MED16: variants seen among roughly 807,000 people sequenced by gnomAD.
The protein encoded by MED16 is mediator complex subunit 16, also known as mediator of RNA polymerase II transcription subunit 16.
In MED16, 81 loss-of-function variants were observed where a neutral mutation model predicts 84.4. The observed-to-expected ratio is 0.96, with a 90% CI of 0.80 to 1.15. The LOEUF is 1.15. MED16 is among the 50% of genes most tolerant of loss of function. MED16 has a pLI of 0.00. For synonymous variants in MED16, 897 were observed against 552.2 expected (o/e 1.62, Z -8.76); for missense variants, 1,585 against 1,245.9 (o/e 1.27, Z -4.10).
At chr19:875,954 T>C (rs1432200861) in intron 9 of MED16, among the ~76,000 whole-genome samples, 3 of 152,144 alleles carry the variant, frequency 2.0e-5, no homozygotes, top group East Asian at 3.9e-4. Flanking sequence ...CTACAAAAAA[T>C]AGAAACAACT....
chr19:869,179 G>A (rs1240457360), intron 13 of MED16, among the ~76,000 whole-genome samples: 1 of 152,146 alleles, frequency 6.6e-6, no homozygotes, highest in Non-Finnish European at 1.5e-5. Flanking sequence ...AGGTGCCTGG[G>A]GAGCTTGAGG....
Position 868,966 on chromosome 19 carries a change from C to A in MED16, c.2316-20G>T, listed in dbSNP as rs1256930996. ...GGGGCCCTGGCGGGAGAGGGGAGAA[C>A]GTGAGGGAGGCCTGGGCACCACGAG... is the stretch of plus-strand genomic sequence containing the variant. On this transcript the variant is annotated intron_variant, in intron 13 of 15. Transcript: ENST00000325464. 2 of 1,526,568 alleles carry A rather than the reference C, an allele frequency of 1.3e-6. No individual in the cohort carries two copies. The highest frequency in any genetic ancestry group is 1.7e-6 in the Non-Finnish European group (2 of 1,144,014). 94.6% of individuals were successfully genotyped at this position (1,526,568 alleles called of 1,614,324 possible). A position where few individuals can be genotyped will look rare whatever the true frequency, so the allele number is the denominator to read the frequency against.
chr19:870,100 C>A (rs1244965682), intron 13 of MED16, among the ~76,000 whole-genome samples: 2 of 152,244 alleles, frequency 1.3e-5, no homozygotes, highest in East Asian at 3.9e-4. Context: ...CCCGGGAGAT[C>A]CTCCTGATGA....
chr19:891,663 T>C (rs1247547294), intron 1 of MED16, among the ~76,000 whole-genome samples: 2 of 88,860 alleles, frequency 2.3e-5, no homozygotes, highest in African/African-American at 4.6e-5. Flanking sequence ...AGGCGGGGGC[T>C]GAGTGTGACG....
At chr19:872,320 G>A (rs1436273345) in intron 11 of MED16, among the ~76,000 whole-genome samples, 2 of 151,990 alleles carry the variant, frequency 1.3e-5, no homozygotes, top group African/African-American at 4.8e-5. Context: ...GCCCAGGACA[G>A]CCCCATTTGC....
At chr19:878,057 G>C (rs58690545) in intron 8 of MED16, among the ~76,000 whole-genome samples, 2 of 60,210 alleles carry the variant, frequency 3.3e-5, no homozygotes, top group African/African-American at 6.7e-5. Flanking sequence ...CCAGCAGCTC[G>C]CCTTCCCCTG....
intron 1 of MED16, chr19:892,881 A>AGCCCCGCGCCCAGC (rs1555719505): frequency 1.5e-5 from 2 of 137,866 alleles, no homozygotes; most frequent in African/African-American, 5.5e-5. Flanking sequence ...CTGAGCCCCG[A>AGCCCCGCGCCCAGC]GCCCCGCGCC....
chr19:891,303 C>T lies in MED16; in HGVS notation c.-18-154G>A, dbSNP rs528497711. On this transcript the variant is annotated intron_variant, in intron 1 of 15. Transcript: ENST00000325464. ...GCCAGACAGAGCCTGGGGCTGGGGC[C>T]GAGGGGGAACATGGAGAGGTCAGGG... is the stretch of plus-strand genomic sequence containing the variant. Among the ~76,000 whole-genome samples, 8 of 152,094 alleles carry T rather than the reference C, an allele frequency of 5.3e-5. No individual in the cohort carries two copies. In the South Asian group the frequency reaches 6.2e-4, roughly 12 times the overall value.
chr19:889,857 C>A, intron 3 of MED16, 50 bp from the exon 4 acceptor site: 1 of 1,558,456 alleles, frequency 6.4e-7, no homozygotes, highest in Non-Finnish European at 8.7e-7. Context: ...GGGCAGAGCA[C>A]TGCGTTGCAG....
At chr19:872,508 G>A (rs2036103740) in intron 11 of MED16, among the ~76,000 whole-genome samples, 1 of 152,044 alleles carries the variant, frequency 6.6e-6, no homozygotes, top group Non-Finnish European at 1.5e-5. Context: ...GTGGCCCCTG[G>A]CAGCCTAAAG....
At chr19:887,100 C>T (rs1173210466) in intron 4 of MED16, among the ~76,000 whole-genome samples, 1 of 150,786 alleles carries the variant, frequency 6.6e-6, no homozygotes, top group Admixed American at 6.6e-5. Flanking sequence ...AAAAAAAGAA[C>T]AAGAAAAATG....
intron 9 of MED16, 93 bp downstream of exon 9, chr19:876,881 C>T (rs1234290289): frequency 2.3e-5 from 30 of 1,286,484 alleles, no homozygotes; most frequent in African/African-American, 4.9e-5. Flanking sequence ...GCCACGGGGC[C>T]CCCACCTGCC....
chr19:883,856 CCAACAAGGCCCTGGGGACCGGGCGAAG>C (rs2036471178), intron 6 of MED16, among the ~76,000 whole-genome samples: 1 of 152,082 alleles, frequency 6.6e-6, no homozygotes. Flanking sequence ...GGAATGAGGC[CCAACAAGGCCCTGGGGACCGGGCGAAG>C]GAACGAGCCC....
rs1446331940 is a variant in MED16 at position 880,076 on chromosome 19, A to G, written c.1214T>C (p.Phe405Ser). ...AGGCCTCGGGGCCGCGGAGCTGTAG[A>G]AGACGGCCATGGTCTGCAGTGAGAG... ...HRLSLQTMAV[F>S]YSSAAPRPVD... The change falls in exon 8 of 16, where the codon TTC becomes TCC. Residue 405 changes from phenylalanine (F) to serine (S), a missense_variant. Physicochemically the swap from Phe to Ser is radical, Grantham distance 155. Transcript: ENST00000325464. 9 of 1,611,050 alleles carry G rather than the reference A, an allele frequency of 5.6e-6. No homozygotes were observed. Among genetic ancestry groups the G allele is most frequent in the Non-Finnish European group, 7.6e-6 (9 of 1,179,412 alleles).
chr19:887,135 GGAAGA>G (rs1305467927), intron 4 of MED16, among the ~76,000 whole-genome samples: 2 of 151,908 alleles, frequency 1.3e-5, no homozygotes, highest in African/African-American at 4.8e-5. Flanking sequence ...AAAAATGCGA[GGAAGA>G]GAAGTGTATC....
rs376316811 is a variant in MED16, at chr19:885,013, G to A, written c.880-5C>T. On this transcript the variant is annotated splice_polypyrimidine_tract_variant and splice_region_variant and intron_variant, in intron 5 of 15. Coordinates refer to ENST00000325464, the MANE Select transcript of MED16 (RefSeq NM_005481.3). Reference sequence around the variant, plus strand: ...GCTGGACGCGCACAAAAGCACCTGCGGGGGAGGTGGGGGTGAGGGCTGACC... The same window carrying A: ...GCTGGACGCGCACAAAAGCACCTGCAGGGGAGGTGGGGGTGAGGGCTGACC... 4.4e-4 allele frequency: 695 copies of A among 1,585,780 alleles called. 6 individuals are homozygous for A. The South Asian group carries it at 6.1e-3, about 14-fold the overall frequency.
chr19:875,583 T>A, intron 9 of MED16, 129 bp from the exon 10 acceptor site: 1 of 688,248 alleles, frequency 1.5e-6, no homozygotes. Context: ...GCTTCGCCTC[T>A]GCACCTCAGC....
intron 7 of MED16, 133 bp from the exon 8 acceptor site, chr19:880,281 C>T: frequency 1.3e-6 from 1 of 746,646 alleles, no homozygotes; most frequent in Admixed American, 3.8e-5. Context: ...CAATCGGCAT[C>T]CAGCGCCCGT....
intron 9 of MED16, 93 bp downstream of exon 9, chr19:876,881 C>CA (rs2036248146): frequency 6.1e-5 from 78 of 1,286,570 alleles, no homozygotes; most frequent in Admixed American, 3.3e-4. Flanking sequence ...GCCACGGGGC[C>CA]CCCACCTGCC....
Sources: allele counts gnomAD v4.1 joint callset (sites outside exome capture counted in the v4.1 genomes callset), GRCh38; gene constraint gnomAD v4.1.1; transcripts MANE v1.5; gene names NCBI Gene and HGNC (gene_info 2026-07-23, HGNC 2026-07-21).